The following PAPPA variants were observed in gnomAD, a reference collection of about 807,000 sequenced individuals.
PAPPA encodes pappalysin-1.
In PAPPA, 60 loss-of-function variants were observed where a neutral mutation model predicts 164.0. That is an observed-to-expected ratio of 0.37 (90% CI 0.30 to 0.45). The LOEUF is 0.45. PAPPA is among the 20% of genes least tolerant of loss of function. The pLI, the probability that PAPPA is intolerant of heterozygous loss-of-function variation, is 1.00. For synonymous variants in PAPPA, 875 were observed against 814.1 expected, an observed-to-expected ratio of 1.07 and a Z score of -1.27; for missense variants, 1,782 against 2,087.3, an observed-to-expected ratio of 0.85 and a Z score of 2.85.
chr9:116,284,872 C>A (rs181830081), intron 9 of PAPPA, among the ~76,000 whole-genome samples: 3 of 152,276 alleles, frequency 2.0e-5, no homozygotes, highest in South Asian at 4.1e-4. Flanking sequence ...ATTACTCTAC[C>A]TGAGGCCCTC....
chr9:116,216,879 T>A (rs113473597), intron 4 of PAPPA, among the ~76,000 whole-genome samples: 14,305 of 152,036 alleles, frequency 0.094, 734 homozygotes, highest in South Asian at 0.15. Context: ...GTAGCTGGGA[T>A]TACAGGCGTG....
At chr9:116,280,850 A>G (rs1845257442) in intron 9 of PAPPA, among the ~76,000 whole-genome samples, 1 of 152,248 alleles carries the variant, frequency 6.6e-6, no homozygotes, top group Non-Finnish European at 1.5e-5. Flanking sequence ...TCATTCCAAC[A>G]GAAATCTTGT....
chr9:116,266,196 C>A (rs1845066421), intron 8 of PAPPA, among the ~76,000 whole-genome samples: 1 of 152,200 alleles, frequency 6.6e-6, no homozygotes, highest in Non-Finnish European at 1.5e-5. Context: ...CATTTTGCGA[C>A]TATGTAATAC....
intron 7 of PAPPA, among the ~76,000 whole-genome samples, chr9:116,245,801 G>A (rs1039327557): frequency 5.3e-5 from 8 of 152,178 alleles, no homozygotes; most frequent in African/African-American, 1.7e-4. Flanking sequence ...TGTTAAACAC[G>A]TAGGACTGAA....
intron 9 of PAPPA, among the ~76,000 whole-genome samples, chr9:116,278,800 T>C (rs1245902408): frequency 6.6e-6 from 1 of 152,210 alleles, no homozygotes; most frequent in African/African-American, 2.4e-5. Context: ...TGAGTCTCGG[T>C]TTCCTCTTCT....
chr9:116,254,510 C>T (rs379359), intron 7 of PAPPA, among the ~76,000 whole-genome samples: 146,648 of 152,154 alleles, frequency 0.96, 70,859 homozygotes, highest in East Asian at 1. Flanking sequence ...GGGCCGGGCG[C>T]GGTGGCTCAC....
intron 13 of PAPPA, among the ~76,000 whole-genome samples, chr9:116,337,163 T>C (rs529254571): frequency 1.3e-5 from 2 of 152,178 alleles, no homozygotes; most frequent in South Asian, 2.1e-4. Flanking sequence ...ACTGGACCCA[T>C]GTGATGATTT....
chr9:116,221,834 A>G (rs1246144708), intron 5 of PAPPA, among the ~76,000 whole-genome samples: 1 of 152,250 alleles, frequency 6.6e-6, no homozygotes, highest in East Asian at 1.9e-4. Flanking sequence ...AGACACTTCA[A>G]GACACACAAA....
At chr9:116,335,831 A>G (rs550211497) in intron 13 of PAPPA, among the ~76,000 whole-genome samples, 2 of 152,330 alleles carry the variant, frequency 1.3e-5, no homozygotes, top group African/African-American at 4.8e-5. Flanking sequence ...AGCAGATGAA[A>G]TCTACTCCAC....
Position 116,377,591 on chromosome 9 carries a change from G to A in PAPPA, c.4621G>A (p.Ala1541Thr). The A allele has an allele frequency of 6.2e-7, 1 of 1,613,692 alleles. No homozygotes were observed. The highest frequency in any genetic ancestry group is 1.1e-5 in the South Asian group (1 of 91,052). Residue 1541 changes from alanine to threonine, a missense_variant, in exon 20 of 22, where the codon GCT (alanine) becomes ACT (threonine). Coordinates refer to ENST00000328252, the MANE Select transcript of PAPPA (RefSeq NM_002581.5). ...CTTCCCACAGAGAGTTGTCTGCACT[G>A]CTGGTCTCAAGTGGTATCCTCACCC... is the stretch of plus-strand genomic sequence containing the variant. ...PTRVERVVCT[A>T]GLKWYPHPAL...
rs546609005 is a variant in PAPPA, at chr9:116,311,256, A to C, written c.3147+8306A>C. Among the ~76,000 whole-genome samples, 5 of 152,246 alleles carry C rather than the reference A, an allele frequency of 3.3e-5. No individual in the cohort carries two copies. The South Asian group carries it at 6.2e-4, about 19-fold the overall frequency. ...ATTCAAAATCAACAGAATCTTGTGA[A>C]TCTTCTGGGTCCAAAGCATCATTTT... On this transcript the variant is annotated intron_variant, in intron 10 of 21. Transcript: ENST00000328252.
chr9:116,354,214 C>T (rs1846322010), intron 17 of PAPPA, among the ~76,000 whole-genome samples: 1 of 152,132 alleles, frequency 6.6e-6, no homozygotes, highest in Non-Finnish European at 1.5e-5. Context: ...GTTTTGAGAA[C>T]ACCATGGAAG....
intron 1 of PAPPA, among the ~76,000 whole-genome samples, chr9:116,165,369 A>G (rs1433117653): frequency 1.3e-5 from 2 of 152,190 alleles, no homozygotes; most frequent in East Asian, 1.9e-4. Flanking sequence ...CTTTCCTCCA[A>G]AATTCCTTGC....
chr9:116,381,118 T>C (rs935681549), intron 20 of PAPPA, among the ~76,000 whole-genome samples: 2 of 152,184 alleles, frequency 1.3e-5, no homozygotes, highest in East Asian at 1.9e-4. Context: ...GTTCACTGTT[T>C]TGAGAAATCA....
At chr9:116,224,562 C>T (rs1398413499) in intron 5 of PAPPA, among the ~76,000 whole-genome samples, 1 of 152,138 alleles carries the variant, frequency 6.6e-6, no homozygotes, top group African/African-American at 2.4e-5. Flanking sequence ...TCATAGGAGA[C>T]AAGTTAATTC....
intron 7 of PAPPA, among the ~76,000 whole-genome samples, chr9:116,252,502 G>A (rs73527818): frequency 0.018 from 2,665 of 152,280 alleles, 84 homozygotes; most frequent in African/African-American, 0.061. Flanking sequence ...TGAAGTGGAA[G>A]GGCTGCAGTC....
chr9:116,162,453 C>A (rs1437219289), intron 1 of PAPPA, among the ~76,000 whole-genome samples: 1 of 152,136 alleles, frequency 6.6e-6, no homozygotes, highest in Non-Finnish European at 1.5e-5. Context: ...GGGGCAGTGA[C>A]CTGCAGGAGC....
At chr9:116,315,005 A>G (rs1283090123) in intron 10 of PAPPA, among the ~76,000 whole-genome samples, 1 of 152,214 alleles carries the variant, frequency 6.6e-6, no homozygotes, top group African/African-American at 2.4e-5. Context: ...TGTGCCCAGC[A>G]CAGGACCTGC....
intron 21 of PAPPA, among the ~76,000 whole-genome samples, chr9:116,387,887 T>G (rs12156470): frequency 0.16 from 23,663 of 152,230 alleles, 2,308 homozygotes; most frequent in Middle Eastern, 0.25. Context: ...GTGATATTCT[T>G]GCTTCATAGA....
Sources: gnomAD v4.1 joint callset for allele counts (sites outside exome capture counted in the v4.1 genomes callset) on GRCh38, gnomAD v4.1.1 for gene constraint, MANE v1.5 for transcripts, NCBI Gene and HGNC (gene_info 2026-07-23, HGNC 2026-07-21) for gene names.